Variants in TMEM94 observed in about 807,000 individuals in gnomAD.
The protein encoded by TMEM94 is ER Mg2+ ATPase.
In TMEM94, 81 loss-of-function variants were observed where a neutral mutation model predicts 158.6. That is an observed-to-expected ratio of 0.51 (90% CI 0.43 to 0.61). The LOEUF (loss-of-function observed/expected upper bound fraction) is 0.61. Among genes scored for constraint, TMEM94 ranks in the 20% least tolerant of loss-of-function variants. The pLI is 0.00. For synonymous variants in TMEM94, 751 were observed against 730.7 expected (o/e 1.03, Z -0.45); for missense variants, 1,435 against 1,762.0 (o/e 0.81, Z 3.32).
intron 2 of TMEM94, among the ~76,000 whole-genome samples, chr17:75,477,326 C>T (rs543656272): frequency 6.6e-6 from 1 of 152,314 alleles, no homozygotes; most frequent in East Asian, 1.9e-4. Context: ...TGTATAGTGG[C>T]TGAATCTCTG....
rs1031632688 is a variant in TMEM94 at position 75,495,806 on chromosome 17, A to G, written c.2945-160A>G. ...GGGGAATCTTGTGGGTTGGAGTCAG[A>G]AGTGCCGATGTTCACATGATCCCGC... is the stretch of plus-strand genomic sequence containing the variant. On this transcript the variant is annotated intron_variant, in intron 22 of 31. Coordinates refer to ENST00000314256, the MANE Select transcript of TMEM94 (RefSeq NM_014738.6). The surrounding 1 kb of genome is among the most constrained non-coding windows in gnomAD (Gnocchi z 5.6). 2 of 839,084 alleles carry G rather than the reference A, an allele frequency of 2.4e-6. No individual in the cohort carries two copies. Among genetic ancestry groups the G allele is most frequent in the African/African-American group, 3.4e-5 (2 of 58,842 alleles). The allele number at this position is 839,084 out of a possible 1,614,324, so 52.0% of individuals were successfully genotyped here.
At chr17:75,486,848 G>A (rs1438597301) in intron 5 of TMEM94, among the ~76,000 whole-genome samples, 1 of 152,202 alleles carries the variant, frequency 6.6e-6, no homozygotes, top group Non-Finnish European at 1.5e-5. Context: ...GCCTGAGATG[G>A]AGCAGCCCAG....
At chr17:75,479,656 A>G (rs1261766126) in intron 2 of TMEM94, among the ~76,000 whole-genome samples, 1 of 151,596 alleles carries the variant, frequency 6.6e-6, no homozygotes, top group African/African-American at 2.4e-5. Flanking sequence ...AGTGGCTCAC[A>G]CCTGTAATCC....
intron 10 of TMEM94, 76 bp from the exon 11 acceptor site, chr17:75,490,626 C>T: frequency 1.5e-6 from 2 of 1,361,914 alleles, no homozygotes; most frequent in South Asian, 1.2e-5. Flanking sequence ...GTGTGGGCCC[C>T]CCCTCTGCCA....
chr17:75,486,209 G>C, intron 4 of TMEM94, 81 bp from the exon 5 acceptor site: 1 of 1,581,920 alleles, frequency 6.3e-7, no homozygotes, highest in Non-Finnish European at 8.6e-7. Context: ...ACTGGGGTGG[G>C]AAGGGGAGCT....
chr17:75,485,828 G>A lies in TMEM94; in HGVS notation c.145-43G>A. ...CCGGGGGAGGCAGCCAGATTGGAGT[G>A]GGACAGGCCTCTCATTGTCCCCTCC... is the stretch of plus-strand genomic sequence containing the variant. On this transcript the variant is annotated intron_variant, in intron 3 of 31. Coordinates refer to ENST00000314256, the MANE Select transcript of TMEM94 (RefSeq NM_014738.6). The surrounding 1 kb of genome is among the most constrained non-coding windows in gnomAD (Gnocchi z 5.5). 1 of 1,569,612 alleles carries A rather than the reference G, an allele frequency of 6.4e-7. No homozygotes were observed. Among genetic ancestry groups the A allele is most frequent in the Non-Finnish European group, 8.7e-7 (1 of 1,153,604 alleles).
intron 2 of TMEM94, among the ~76,000 whole-genome samples, chr17:75,484,171 C>T (rs1338711308): frequency 6.6e-6 from 1 of 152,144 alleles, no homozygotes; most frequent in Non-Finnish European, 1.5e-5. Flanking sequence ...CAGTCCTGCC[C>T]TGGGAATAGC....
At chr17:75,477,886 G>T (rs1289259219) in intron 2 of TMEM94, among the ~76,000 whole-genome samples, 1 of 150,486 alleles carries the variant, frequency 6.6e-6, no homozygotes, top group Admixed American at 6.6e-5. Context: ...GCGCATGCCT[G>T]TAGTCCCAGC....
At chr17:75,478,358 GAAAAGA>G (rs1426536184) in intron 2 of TMEM94, among the ~76,000 whole-genome samples, 3 of 147,060 alleles carry the variant, frequency 2.0e-5, no homozygotes, top group East Asian at 4.0e-4. Context: ...AAGAAAGAAA[GAAAAGA>G]AAAAGAAAAA....
At position 75,495,329 on chromosome 17, in the gene TMEM94, G is replaced by A. The variant is rs1191790884; in HGVS notation, c.2774G>A (p.Gly925Asp). The A allele has an allele frequency of 6.2e-7, 1 of 1,613,716 alleles. No individual in the cohort carries two copies. The highest frequency in any genetic ancestry group is 1.7e-5 in the Admixed American group (1 of 59,996). The change falls in exon 21 of 32, where the codon GGC becomes GAC. Residue 925 changes from glycine to aspartate, a missense_variant. Physicochemically the swap from Gly to Asp is moderately conservative, Grantham distance 94. Around this residue, in one of 3 missense-constraint regions of TMEM94, gnomAD observed 1,051 missense variants for 1,254.4 expected, o/e 0.84. Coordinates refer to ENST00000314256, the MANE Select transcript of TMEM94 (RefSeq NM_014738.6). This position sits in a 1 kb window ranked among gnomAD's most constrained non-coding sequence, Gnocchi z 5.6. ...AEGLLLMEEE[G>D]HSDLISFQPT... ...GGGCTCCTCCTCATGGAGGAGGAGGGCCACTCGGACCTCATCAGCTTCCAG... is the reference window on the plus strand; with the variant it reads ...GGGCTCCTCCTCATGGAGGAGGAGGACCACTCGGACCTCATCAGCTTCCAG...
At chr17:75,463,518 A>G (rs945318341) in intron 1 of TMEM94, among the ~76,000 whole-genome samples, 2 of 152,126 alleles carry the variant, frequency 1.3e-5, no homozygotes, top group African/African-American at 2.4e-5. Flanking sequence ...ATGCTCTGAC[A>G]TGTACAGAAA....
Position 75,495,496 on chromosome 17 carries a change from G to C in TMEM94, c.2845-48G>C, listed in dbSNP as rs902294791. ...GTGGTGGGCAGGCGGTGGAGGGGAG[G>C]GATGCTGATCCCCATCCCGAAGCCG... On this transcript the variant is annotated intron_variant, in intron 21 of 31. Coordinates refer to ENST00000314256, the MANE Select transcript of TMEM94 (RefSeq NM_014738.6). The surrounding 1 kb of genome is among the most constrained non-coding windows in gnomAD (Gnocchi z 5.6). The C allele has an allele frequency of 4.4e-6, 7 of 1,600,188 alleles. No individual in the cohort carries two copies. The highest frequency in any genetic ancestry group is 6.0e-6 in the Non-Finnish European group (7 of 1,168,542).
At chr17:75,474,218 A>G (rs1198265936) in intron 2 of TMEM94, among the ~76,000 whole-genome samples, 3 of 151,530 alleles carry the variant, frequency 2.0e-5, no homozygotes, top group Non-Finnish European at 2.9e-5. Context: ...TATAAAGATG[A>G]TCTCAGCCAG....
intron 18 of TMEM94, among the ~76,000 whole-genome samples, 177 bp downstream of exon 18, chr17:75,494,093 T>C (rs2052466955): frequency 6.6e-6 from 1 of 152,220 alleles, no homozygotes; most frequent in Non-Finnish European, 1.5e-5. Context: ...GGGGAGTCCC[T>C]TAGTTTCCTC....
At position 75,456,973 on chromosome 17, in the gene TMEM94, C is replaced by T. The variant is rs145232847; in HGVS notation, c.-107+222C>T. 2.3e-3 allele frequency among the ~76,000 whole-genome samples: 345 copies of T among 152,290 alleles called. 1 individual carries two copies. The highest frequency in any genetic ancestry group is 8.1e-3 in the African/African-American group (338 of 41,564). On this transcript the variant is annotated intron_variant, in intron 1 of 31. Coordinates refer to ENST00000314256, the MANE Select transcript of TMEM94 (RefSeq NM_014738.6). ...GAGTCTTCAGACTCTTGCTCTCAGC[C>T]CTGGATTGGTCCATTGTGGGGTCTC...
At chr17:75,490,042 G>GC in intron 9 of TMEM94, 192 bp from the exon 10 acceptor site, 1 of 716,954 alleles carries the variant, frequency 1.4e-6, no homozygotes, top group Non-Finnish European at 2.2e-6. Flanking sequence ...TCACGCCACT[G>GC]CCCTCCAGCC....
intron 19 of TMEM94, 21 bp from the exon 20 acceptor site, chr17:75,494,875 A>C: frequency 6.2e-7 from 1 of 1,613,426 alleles, no homozygotes; most frequent in Non-Finnish European, 8.5e-7. Context: ...CCGTATGTTC[A>C]TGGCCGTCTG....
At chr17:75,484,393 T>A (rs2051416926) in intron 2 of TMEM94, among the ~76,000 whole-genome samples, 1 of 146,072 alleles carries the variant, frequency 6.8e-6, no homozygotes, top group Non-Finnish European at 1.5e-5. Flanking sequence ...AATGCTAGCA[T>A]CTCTTTTTTG....
chr17:75,470,949 A>G (rs999740791), intron 1 of TMEM94, among the ~76,000 whole-genome samples: 2 of 151,354 alleles, frequency 1.3e-5, no homozygotes, highest in African/African-American at 2.4e-5. Context: ...AATAATAAAG[A>G]AAATGAAGGT....
Sources: allele counts gnomAD v4.1 joint callset (sites outside exome capture counted in the v4.1 genomes callset), GRCh38; gene constraint gnomAD v4.1.1; regional missense constraint gnomAD v4.1.1; non-coding constraint Gnocchi (gnomAD v3.1); transcripts MANE v1.5; gene names NCBI Gene and HGNC (gene_info 2026-07-23, HGNC 2026-07-21).